CREB5: variants seen among roughly 807,000 people sequenced by gnomAD.
CREB5 encodes cAMP responsive element binding protein 5, also known as cyclic AMP-responsive element-binding protein 5.
Under a neutral mutation model 57.1 loss-of-function variants are expected in CREB5, and 19 were observed. That is an observed-to-expected ratio of 0.33 (90% CI 0.23 to 0.49). The LOEUF (loss-of-function observed/expected upper bound fraction) is 0.49, where lower values mean the gene tolerates loss of function less well. Ranked by LOEUF, CREB5 falls within the 20% of genes least tolerant of loss-of-function variation. CREB5 has a pLI of 0.99. For missense variants in CREB5, 579 were observed against 671.6 expected, an observed-to-expected ratio of 0.86 and a Z score of 1.52; for synonymous variants, 238 against 238.3, an observed-to-expected ratio of 1.00 and a Z score of 0.01.
At chr7:28,369,938 T>C (rs1010724878) in intron 1 of CREB5, among the ~76,000 whole-genome samples, 6 of 152,222 alleles carry the variant, frequency 3.9e-5, no homozygotes, top group African/African-American at 1.2e-4. Flanking sequence ...GGAACCTGAA[T>C]AGGGCCGTGG....
chr7:28,774,860 C>T (rs1272410431), intron 7 of CREB5, among the ~76,000 whole-genome samples: 1 of 152,200 alleles, frequency 6.6e-6, no homozygotes, highest in Non-Finnish European at 1.5e-5. Context: ...AAACAGACTT[C>T]AGCAAACTGT....
At chr7:28,772,709 C>T (rs572012520) in intron 7 of CREB5, among the ~76,000 whole-genome samples, 1 of 152,158 alleles carries the variant, frequency 6.6e-6, no homozygotes, top group Non-Finnish European at 1.5e-5. Context: ...AGAACACTAG[C>T]ACTCATTTTT....
chr7:28,303,182 T>C (rs1785129945), intron 1 of CREB5, among the ~76,000 whole-genome samples: 1 of 151,974 alleles, frequency 6.6e-6, no homozygotes, highest in Non-Finnish European at 1.5e-5. Flanking sequence ...CTTATCTAAT[T>C]CCAAATGTTT....
chr7:28,710,023 TCC>T (rs1802325327), intron 5 of CREB5, among the ~76,000 whole-genome samples: 1 of 151,580 alleles, frequency 6.6e-6, no homozygotes, highest in Middle Eastern at 3.2e-3. Flanking sequence ...AGATGAGTGT[TCC>T]TGAATTATCC....
At chr7:28,813,069 G>A (rs1256426724) in intron 9 of CREB5, among the ~76,000 whole-genome samples, 3 of 152,142 alleles carry the variant, frequency 2.0e-5, no homozygotes, top group Non-Finnish European at 4.4e-5. Flanking sequence ...TAGGAATTGG[G>A]GAAAATATTA....
At chr7:28,741,415 A>G (rs1214674518) in intron 7 of CREB5, among the ~76,000 whole-genome samples, 1 of 134,338 alleles carries the variant, frequency 7.4e-6, no homozygotes, top group Non-Finnish European at 1.6e-5. Flanking sequence ...AACACTTTTT[A>G]TTTGCTGAGG....
intron 4 of CREB5, among the ~76,000 whole-genome samples, chr7:28,549,436 C>T (rs1447578721): frequency 2.6e-5 from 4 of 152,306 alleles, no homozygotes; most frequent in African/African-American, 9.6e-5. Context: ...GTCAAATTTA[C>T]AAAGAATGGG....
At chr7:28,414,111 G>A (rs1205509555) in intron 1 of CREB5, among the ~76,000 whole-genome samples, 5 of 151,778 alleles carry the variant, frequency 3.3e-5, no homozygotes, top group African/African-American at 1.2e-4. Context: ...GATTAAAATT[G>A]GGATTTGAGT....
intron 6 of CREB5, among the ~76,000 whole-genome samples, chr7:28,719,397 C>A (rs879591): frequency 0.4 from 61,154 of 152,050 alleles, 12,527 homozygotes; most frequent in Admixed American, 0.46. Context: ...GCACTTGATC[C>A]TCACACAAAA....
chr7:28,721,442 C>T (rs889418480), intron 6 of CREB5, among the ~76,000 whole-genome samples: 5 of 152,156 alleles, frequency 3.3e-5, no homozygotes, highest in African/African-American at 1.2e-4. Flanking sequence ...TATCGTGTCA[C>T]CAGTTCCTGT....
intron 5 of CREB5, among the ~76,000 whole-genome samples, chr7:28,661,827 G>T (rs775350204): frequency 1.4e-4 from 22 of 152,200 alleles, no homozygotes; most frequent in Admixed American, 3.3e-4. Context: ...TAAGGAGGAA[G>T]ATAATGAAGA....
chr7:28,438,838 C>T (rs1477492343), intron 1 of CREB5, among the ~76,000 whole-genome samples: 1 of 152,182 alleles, frequency 6.6e-6, no homozygotes, highest in Admixed American at 6.5e-5. Flanking sequence ...AGCATTACAA[C>T]TAATAAAATC....
At chr7:28,376,111 A>T (rs902220281) in intron 1 of CREB5, among the ~76,000 whole-genome samples, 1 of 152,114 alleles carries the variant, frequency 6.6e-6, no homozygotes, top group Non-Finnish European at 1.5e-5. Context: ...TGTTTATTCA[A>T]TTTTGGTCAG....
At chr7:28,811,629 C>CAA (rs1375888122) in intron 9 of CREB5, among the ~76,000 whole-genome samples, 1 of 152,126 alleles carries the variant, frequency 6.6e-6, no homozygotes, top group African/African-American at 2.4e-5. Flanking sequence ...CCTCGGCCTA[C>CAA]AAAAGTGTTG....
chr7:28,325,410 G>A lies in CREB5; in HGVS notation c.-25+25969G>A, dbSNP rs186374812. 2.8e-3 allele frequency among the ~76,000 whole-genome samples: 431 copies of A among 151,502 alleles called. 1 individual carries two copies. The highest frequency in any genetic ancestry group is 1.0e-2 in the African/African-American group (412 of 41,236). ...GCAGAGCTTGCAGTGAGCCAAGATC[G>A]TGCCACTGCACTCCAGCCTGGGCGA... On this transcript the variant is annotated intron_variant, in intron 1 of 9. Transcript: ENST00000396299.
intron 7 of CREB5, among the ~76,000 whole-genome samples, chr7:28,734,871 A>AT (rs1255374415): frequency 2.0e-5 from 3 of 152,066 alleles, no homozygotes; most frequent in Admixed American, 6.5e-5. Flanking sequence ...TGTCTTAAAT[A>AT]TTTTTTGGCC....
intron 5 of CREB5, among the ~76,000 whole-genome samples, chr7:28,614,783 A>C (rs1797533540): frequency 6.6e-6 from 1 of 152,148 alleles, no homozygotes; most frequent in African/African-American, 2.4e-5. Context: ...CATGAACTCC[A>C]TCACCCAACC....
At chr7:28,714,079 A>C (rs1277031715) in intron 5 of CREB5, among the ~76,000 whole-genome samples, 1 of 152,002 alleles carries the variant, frequency 6.6e-6, no homozygotes, top group Non-Finnish European at 1.5e-5. Context: ...CCTGCGCTCA[A>C]GTGATCCTCT....
intron 7 of CREB5, among the ~76,000 whole-genome samples, chr7:28,797,699 T>TC (rs1808129541): frequency 6.6e-6 from 1 of 152,324 alleles, no homozygotes; most frequent in African/African-American, 2.4e-5. Flanking sequence ...TCGCCACATC[T>TC]CCAAGTTTGA....
Sources: gnomAD v4.1 joint callset for allele counts (sites outside exome capture counted in the v4.1 genomes callset) on GRCh38, gnomAD v4.1.1 for gene constraint, MANE v1.5 for transcripts, NCBI Gene and HGNC (gene_info 2026-07-23, HGNC 2026-07-21) for gene names.